ELP4: variants seen among roughly 807,000 people sequenced by gnomAD.
ELP4 encodes the protein elongator complex protein 4.
A neutral mutation model predicts 48.9 loss-of-function variants in ELP4; 51 were observed. The observed-to-expected ratio is 1.04, with a 90% confidence interval of 0.83 to 1.32. The LOEUF is 1.32. ELP4 is among the 40% of genes most tolerant of loss of function. The probability of loss-of-function intolerance (pLI) is 0.00; values close to 1 mark genes in which losing one functional copy is unlikely to be tolerated. For synonymous variants in ELP4, 210 were observed against 189.2 expected, an observed-to-expected ratio of 1.11 and a Z score of -0.90; for missense variants, 519 against 514.6, an observed-to-expected ratio of 1.01 and a Z score of -0.08.
intron 5 of ELP4, among the ~76,000 whole-genome samples, chr11:31,617,958 C>T (rs755053314): frequency 2.6e-5 from 4 of 152,006 alleles, no homozygotes; most frequent in Non-Finnish European, 5.9e-5. Flanking sequence ...AAATTCTACT[C>T]CTAGGTATAT....
At chr11:31,700,209 G>A (rs1434124922) in intron 9 of ELP4, among the ~76,000 whole-genome samples, 1 of 151,748 alleles carries the variant, frequency 6.6e-6, no homozygotes, top group Non-Finnish European at 1.5e-5. Flanking sequence ...ATGCTTAGGG[G>A]AGTGTATCTA....
intron 3 of ELP4, among the ~76,000 whole-genome samples, chr11:31,544,981 T>C (rs925411908): frequency 7.2e-5 from 11 of 152,012 alleles, no homozygotes; most frequent in African/African-American, 2.7e-4. Flanking sequence ...AGAAAGGACA[T>C]CCACACCAAA....
intron 9 of ELP4, among the ~76,000 whole-genome samples, chr11:31,729,810 C>G (rs1397161744): frequency 6.6e-6 from 1 of 152,178 alleles, no homozygotes; most frequent in Admixed American, 6.5e-5. Flanking sequence ...TCTCTTCTAG[C>G]TTGTCTACGT....
intron 9 of ELP4, among the ~76,000 whole-genome samples, chr11:31,721,145 T>G (rs139386756): frequency 6.6e-6 from 1 of 152,316 alleles, no homozygotes; most frequent in East Asian, 1.9e-4. Flanking sequence ...GTTTTTTTGA[T>G]TGTGTGGTTG....
At chr11:31,562,725 G>A (rs1023197150) in intron 3 of ELP4, among the ~76,000 whole-genome samples, 1 of 151,994 alleles carries the variant, frequency 6.6e-6, no homozygotes, top group African/African-American at 2.4e-5. Flanking sequence ...GAATTTAGTT[G>A]AAGTATGCGT....
intron 5 of ELP4, among the ~76,000 whole-genome samples, chr11:31,621,588 A>G (rs1944622432): frequency 6.6e-6 from 1 of 151,910 alleles, no homozygotes; most frequent in African/African-American, 2.4e-5. Context: ...CAGATCTTAA[A>G]CCTACATTCC....
intron 3 of ELP4, among the ~76,000 whole-genome samples, chr11:31,576,240 A>G (rs377411251): frequency 6.6e-6 from 1 of 152,252 alleles, no homozygotes; most frequent in African/African-American, 2.4e-5. Flanking sequence ...AGAAGAGCTA[A>G]CTATCCTAAA....
chr11:31,561,169 G>A (rs1433299794), intron 3 of ELP4, among the ~76,000 whole-genome samples: 1 of 152,032 alleles, frequency 6.6e-6, no homozygotes, highest in East Asian at 1.9e-4. Flanking sequence ...TACCTAATTA[G>A]TAGCTCTTAA....
intron 9 of ELP4, among the ~76,000 whole-genome samples, chr11:31,656,982 G>GA (rs1463058134): frequency 2.6e-5 from 4 of 151,828 alleles, no homozygotes; most frequent in African/African-American, 9.7e-5. Flanking sequence ...AAGGAAGATA[G>GA]AAAAAAAGAA....
chr11:31,618,649 T>A (rs1156713156), intron 5 of ELP4, among the ~76,000 whole-genome samples: 1 of 152,044 alleles, frequency 6.6e-6, no homozygotes, highest in African/African-American at 2.4e-5. Flanking sequence ...AGACAACATA[T>A]TACATGATTT....
chr11:31,543,046 A>C (rs1179301658), intron 3 of ELP4, among the ~76,000 whole-genome samples: 1 of 152,174 alleles, frequency 6.6e-6, no homozygotes, highest in Non-Finnish European at 1.5e-5. Flanking sequence ...ACACTGAAAA[A>C]GAAAAGATTA....
In ELP4 at chr11:31,587,330, A is replaced by G. The variant is rs999488895; in HGVS notation, c.382-7440A>G. ...GTTACAGACTAGAATGTAAAACGTT[A>G]TAAACCGTAACAGCACTGAAGTAAT... is the stretch of plus-strand genomic sequence containing the variant. On this transcript the variant is annotated intron_variant, in intron 3 of 9. Coordinates refer to ENST00000640961, the MANE Select transcript of ELP4 (RefSeq NM_019040.5). Among the ~76,000 whole-genome samples the G allele has an allele frequency of 3.3e-5, 5 of 152,364 alleles. No homozygotes were observed. In the East Asian group the frequency reaches 9.6e-4, roughly 29 times the overall value.
At chr11:31,538,848 G>A (rs1481235726) in intron 2 of ELP4, among the ~76,000 whole-genome samples, 1 of 152,098 alleles carries the variant, frequency 6.6e-6, no homozygotes, top group East Asian at 1.9e-4. Context: ...GAGTTTAGAA[G>A]TGTTTCATCC....
At chr11:31,705,835 A>T (rs970936494) in intron 9 of ELP4, among the ~76,000 whole-genome samples, 2 of 148,744 alleles carry the variant, frequency 1.3e-5, no homozygotes, top group Non-Finnish European at 3.0e-5. Context: ...CATACAATAC[A>T]TAATTTTTTT....
intron 3 of ELP4, among the ~76,000 whole-genome samples, chr11:31,577,889 C>T (rs1957313547): frequency 6.6e-6 from 1 of 152,170 alleles, no homozygotes; most frequent in African/African-American, 2.4e-5. Flanking sequence ...TGGCACAAGA[C>T]ATGGATGCCC....
intron 9 of ELP4, among the ~76,000 whole-genome samples, chr11:31,754,687 A>G (rs1400630032): frequency 6.6e-6 from 1 of 152,072 alleles, no homozygotes; most frequent in Non-Finnish European, 1.5e-5. Flanking sequence ...CCCAGCCAAC[A>G]TGGTGAAACC....
intron 3 of ELP4, among the ~76,000 whole-genome samples, chr11:31,567,237 G>A (rs1378255604): frequency 6.6e-6 from 1 of 152,028 alleles, no homozygotes; most frequent in East Asian, 1.9e-4. Context: ...CCGGCCTGTA[G>A]TACTTCTTAA....
intron 1 of ELP4, among the ~76,000 whole-genome samples, chr11:31,519,401 G>T (rs1592078184): frequency 6.6e-6 from 1 of 152,184 alleles, no homozygotes; most frequent in East Asian, 1.9e-4. Flanking sequence ...TTTAAGTCTT[G>T]AGTATTGAGT....
chr11:31,555,685 G>A lies in ELP4; in HGVS notation c.381+15902G>A, dbSNP rs188077522. ...TTTAATTATATTCTTCATAACACCA[G>A]TGCAAAGAGATTTCTAACATCTCTC... is the stretch of plus-strand genomic sequence containing the variant. On this transcript the variant is annotated intron_variant, in intron 3 of 9. Transcript: ENST00000640961. Among the ~76,000 whole-genome samples the A allele has an allele frequency of 2.3e-3, 355 of 151,946 alleles. 1 individual carries two copies. Among genetic ancestry groups the A allele is most frequent in the Non-Finnish European group, 2.7e-3 (184 of 67,816 alleles).
Sources: gnomAD v4.1 joint callset for allele counts (sites outside exome capture counted in the v4.1 genomes callset) on GRCh38, gnomAD v4.1.1 for gene constraint, MANE v1.5 for transcripts, NCBI Gene and HGNC (gene_info 2026-07-23, HGNC 2026-07-21) for gene names.